FOXP2: variants seen among roughly 807,000 people sequenced by gnomAD.
The protein encoded by FOXP2 is forkhead box protein P2.
In FOXP2, 12 loss-of-function variants were observed where a neutral mutation model predicts 115.8. The observed-to-expected ratio is 0.10, with a 90% CI of 0.07 to 0.17. The LOEUF (loss-of-function observed/expected upper bound fraction) is 0.17, where lower values mean the gene tolerates loss of function less well. Ranked by LOEUF, FOXP2 falls within the 10% of genes least tolerant of loss-of-function variation. The pLI is 1.00. For missense variants in FOXP2, 629 were observed against 843.5 expected (o/e 0.75, Z 3.15); for synonymous variants, 328 against 297.7 (o/e 1.10, Z -1.05).
intron 1 of FOXP2, among the ~76,000 whole-genome samples, chr7:114,233,628 A>G (rs1397943129): frequency 6.6e-6 from 1 of 152,250 alleles, no homozygotes; most frequent in Non-Finnish European, 1.5e-5. Flanking sequence ...TGCTTCTAAA[A>G]TAAACAATTA....
chr7:114,276,463 C>T (rs140335054), intron 1 of FOXP2, among the ~76,000 whole-genome samples: 97 of 152,206 alleles, frequency 6.4e-4, no homozygotes, highest in African/African-American at 2.1e-3. Flanking sequence ...CCACACCCGG[C>T]CACTGGCATA....
At position 114,284,698 on chromosome 7, in the gene FOXP2, T is replaced by C. The variant is rs116669449; in HGVS notation, c.-101-3321T>C. Among the ~76,000 whole-genome samples, 910 of 152,262 alleles carry C rather than the reference T, an allele frequency of 6.0e-3. 9 individuals are homozygous for C. Among genetic ancestry groups the C allele is most frequent in the African/African-American group, 0.02 (846 of 41,562 alleles). On this transcript the variant is annotated intron_variant, in intron 1 of 17. Coordinates refer to the FOXP2 transcript ENST00000634411. ...GAACTACCATTCAACACAGCAATCC[T>C]GTTACTGGGTGTATACCCAAAGGAA... is the stretch of plus-strand genomic sequence containing the variant.
intron 2 of FOXP2, among the ~76,000 whole-genome samples, chr7:114,531,610 C>A (rs564589031): frequency 6.6e-6 from 1 of 151,896 alleles, no homozygotes; most frequent in South Asian, 2.1e-4. Context: ...GTTCTCCCAC[C>A]TCTTATGTTT....
At chr7:114,388,344 A>C (rs1792505545) in intron 2 of FOXP2, among the ~76,000 whole-genome samples, 1 of 151,502 alleles carries the variant, frequency 6.6e-6, no homozygotes, top group South Asian at 2.1e-4. Flanking sequence ...CTAAAATGGC[A>C]GTTTGTGCCA....
chr7:114,423,636 T>C (rs1247353964), intron 1 of FOXP2, among the ~76,000 whole-genome samples: 2 of 151,632 alleles, frequency 1.3e-5, no homozygotes, highest in African/African-American at 4.8e-5. Context: ...ATGAATAATT[T>C]AGCTTGGTAT....
At chr7:114,379,179 C>G (rs948132932) in intron 2 of FOXP2, among the ~76,000 whole-genome samples, 1 of 152,148 alleles carries the variant, frequency 6.6e-6, no homozygotes, top group Admixed American at 6.5e-5. Flanking sequence ...GTTGCTGGCT[C>G]GAATGCCTGG....
At chr7:114,481,645 C>T (rs73436119) in intron 2 of FOXP2, among the ~76,000 whole-genome samples, 2,794 of 151,394 alleles carry the variant, frequency 0.018, 97 homozygotes, top group African/African-American at 0.064. Context: ...TCCTGCTTCT[C>T]TACCTTTATT....
intron 1 of FOXP2, among the ~76,000 whole-genome samples, chr7:114,201,658 A>T (rs571241013): frequency 6.6e-6 from 1 of 152,274 alleles, no homozygotes; most frequent in East Asian, 1.9e-4. Context: ...GATTTAAAGC[A>T]TGTCTAGAAC....
intron 6 of FOXP2, among the ~76,000 whole-genome samples, chr7:114,637,615 G>GAA (rs1805293060): frequency 6.6e-6 from 1 of 152,112 alleles, no homozygotes; most frequent in Non-Finnish European, 1.5e-5. Context: ...AAAACAGACA[G>GAA]AAATCCCTGC....
At chr7:114,400,950 G>C (rs1792875270) in intron 2 of FOXP2, among the ~76,000 whole-genome samples, 1 of 152,000 alleles carries the variant, frequency 6.6e-6, no homozygotes, top group South Asian at 2.1e-4. Flanking sequence ...TCAGGGTGGG[G>C]GTCAGTGGGT....
intron 3 of FOXP2, among the ~76,000 whole-genome samples, chr7:114,556,888 G>T (rs904454524): frequency 6.6e-6 from 1 of 152,084 alleles, no homozygotes; most frequent in East Asian, 1.9e-4. Flanking sequence ...GAAAAAATTA[G>T]TAACTTTAAA....
intron 2 of FOXP2, among the ~76,000 whole-genome samples, chr7:114,512,459 A>G (rs1798123673): frequency 6.6e-6 from 1 of 152,186 alleles, no homozygotes; most frequent in South Asian, 2.1e-4. Flanking sequence ...GTCTGAGTCT[A>G]GATCTCAGAG....
intron 1 of FOXP2, among the ~76,000 whole-genome samples, chr7:114,254,442 G>T (rs1275012874): frequency 2.0e-5 from 3 of 152,168 alleles, no homozygotes; most frequent in Non-Finnish European, 4.4e-5. Context: ...ATCAGACATA[G>T]ATTTGGTCTT....
intron 2 of FOXP2, among the ~76,000 whole-genome samples, chr7:114,329,656 ATTTATTTATTTAT>A (rs1345840282): frequency 1.1e-4 from 3 of 26,630 alleles, no homozygotes; most frequent in Non-Finnish European, 1.6e-4. Flanking sequence ...TTATTTATTT[ATTTATTTATTTAT>A]TTATTTATTT....
chr7:114,189,579 T>C (rs945066306), intron 1 of FOXP2, among the ~76,000 whole-genome samples: 1 of 152,168 alleles, frequency 6.6e-6, no homozygotes, highest in African/African-American at 2.4e-5. Flanking sequence ...ATTATTTTCA[T>C]TAGTATCTTA....
At chr7:114,340,928 C>G (rs1221885285) in intron 2 of FOXP2, among the ~76,000 whole-genome samples, 1 of 150,738 alleles carries the variant, frequency 6.6e-6, no homozygotes, top group Non-Finnish European at 1.5e-5. Context: ...TAATTAAGCC[C>G]CCCTACTTAA....
rs559844684 is a variant in FOXP2, at chr7:114,212,923, T to G, written c.-102+49835T>G. 2.0e-5 allele frequency among the ~76,000 whole-genome samples: 3 copies of G among 152,344 alleles called. No individual in the cohort carries two copies. The East Asian group carries it at 5.8e-4, about 29-fold the overall frequency. ...TCCAGTCACAATATATGTGAGAAAG[T>G]GAAGTCTTGTTTGCTTTTGCTTCCT... On this transcript the variant is annotated intron_variant, in intron 1 of 17. Coordinates refer to the FOXP2 transcript ENST00000634411.
At chr7:114,334,642 GA>G (rs79290508) in intron 2 of FOXP2, among the ~76,000 whole-genome samples, 2 of 148,728 alleles carry the variant, frequency 1.3e-5, no homozygotes, top group South Asian at 2.1e-4. Context: ...AAAGAAGAAG[GA>G]AAAAAAACCC....
intron 2 of FOXP2, among the ~76,000 whole-genome samples, chr7:114,299,057 CTTTATT>C (rs1796816700): frequency 6.6e-6 from 1 of 152,022 alleles, no homozygotes; most frequent in African/African-American, 2.4e-5. Context: ...CATTCTGAAA[CTTTATT>C]TTTATTTTCA....
Sources: gnomAD v4.1 joint callset for allele counts (sites outside exome capture counted in the v4.1 genomes callset) on GRCh38, gnomAD v4.1.1 for gene constraint, MANE v1.5 for transcripts, NCBI Gene and HGNC (gene_info 2026-07-23, HGNC 2026-07-21) for gene names.